Variants in HDAC9 observed in about 807,000 individuals in gnomAD.
HDAC9 encodes MEF-2 interacting transcription repressor (MITR) protein.
A neutral mutation model predicts 139.4 loss-of-function variants in HDAC9; 41 were observed. The ratio of observed to expected loss-of-function variants is 0.29; its 90% CI spans 0.23 to 0.38. The LOEUF (loss-of-function observed/expected upper bound fraction) is 0.38, where lower values mean the gene tolerates loss of function less well. Among genes scored for constraint, HDAC9 ranks in the 10% least tolerant of loss-of-function variants. HDAC9 has a pLI of 1.00. For synonymous variants in HDAC9, 517 were observed against 476.2 expected, an observed-to-expected ratio of 1.09 and a Z score of -1.12; for missense variants, 1,147 against 1,297.0, an observed-to-expected ratio of 0.88 and a Z score of 1.78.
chr7:18,667,665 G>T, intron 12 of HDAC9: 2 of 985,226 alleles, frequency 2.0e-6, no homozygotes, highest in Non-Finnish European at 2.4e-6. Context: ...GTGGAAACAG[G>T]AAGTCCAAGT....
chr7:18,710,516 G>A (rs892382767), intron 12 of HDAC9, among the ~76,000 whole-genome samples: 11 of 151,760 alleles, frequency 7.2e-5, no homozygotes, highest in African/African-American at 2.2e-4. Flanking sequence ...ACATACATAC[G>A]TATATATATA....
chr7:18,591,760 T>A, intron 5 of HDAC9, 118 bp downstream of exon 5: 2 of 1,311,878 alleles, frequency 1.5e-6, no homozygotes, highest in Non-Finnish European at 2.1e-6. Flanking sequence ...TGTGGGCAAG[T>A]TCCTTCAGTT....
intron 21 of HDAC9, among the ~76,000 whole-genome samples, chr7:18,861,551 A>G (rs564709217): frequency 1.1e-4 from 17 of 152,238 alleles, no homozygotes; most frequent in Middle Eastern, 3.4e-3. Flanking sequence ...CACTAATACT[A>G]TTCTCACAGA....
At chr7:18,892,146 C>G (rs1275827479) in intron 22 of HDAC9, 4 of 152,060 alleles carry the variant, frequency 2.6e-5, no homozygotes, top group Non-Finnish European at 5.9e-5. Flanking sequence ...AAATAGGAGA[C>G]CTGCGTTCTA....
rs527890609 is a variant in HDAC9 at position 18,386,787 on chromosome 7, A to G, written c.-42+96272A>G. Reference sequence around the variant, plus strand: ...CAGTCCTCAGAGAAAAGAAGATTACACACTGCCTTCTTTTGTCATTTCAGC... The same window carrying G: ...CAGTCCTCAGAGAAAAGAAGATTACGCACTGCCTTCTTTTGTCATTTCAGC... On this transcript the variant is annotated intron_variant, in intron 1 of 3. Coordinates refer to the HDAC9 transcript ENST00000413509. 2.6e-5 allele frequency among the ~76,000 whole-genome samples: 4 copies of G among 152,330 alleles called. No homozygotes were observed. The South Asian group carries it at 6.2e-4, about 24-fold the overall frequency.
intron 14 of HDAC9, among the ~76,000 whole-genome samples, chr7:18,754,087 CT>C (rs912900190): frequency 1.3e-5 from 2 of 151,842 alleles, no homozygotes; most frequent in Non-Finnish European, 2.9e-5. Flanking sequence ...CATGGGTTAA[CT>C]TTTTTTTGGC....
chr7:18,457,610 A>G (rs1053805235), intron 1 of HDAC9, among the ~76,000 whole-genome samples: 1 of 152,192 alleles, frequency 6.6e-6, no homozygotes, highest in Non-Finnish European at 1.5e-5. Context: ...ATCTCTGCAT[A>G]TAGGCCATAA....
At chr7:18,648,432 G>T in intron 10 of HDAC9, 34 bp from the exon 11 acceptor site, 1 of 1,380,806 alleles carries the variant, frequency 7.2e-7, no homozygotes, top group Non-Finnish European at 1.0e-6. Flanking sequence ...GTGTGTGTGT[G>T]TATACACACA....
chr7:18,260,984 G>C (rs1795632165), intron 2 of HDAC9, among the ~76,000 whole-genome samples: 1 of 152,082 alleles, frequency 6.6e-6, no homozygotes, highest in South Asian at 2.1e-4. Context: ...TGAAATATAA[G>C]CAAACATGCT....
At chr7:18,894,748 G>C (rs1283602206) in intron 22 of HDAC9, among the ~76,000 whole-genome samples, 1 of 152,120 alleles carries the variant, frequency 6.6e-6, no homozygotes, top group African/African-American at 2.4e-5. Flanking sequence ...TCATCTTCTA[G>C]TAGAGAGGGA....
At chr7:18,279,816 A>G (rs1796988632) in intron 2 of HDAC9, among the ~76,000 whole-genome samples, 1 of 152,062 alleles carries the variant, frequency 6.6e-6, no homozygotes. Context: ...AGTTTCAAAG[A>G]GGCCTGATTC....
intron 12 of HDAC9, among the ~76,000 whole-genome samples, chr7:18,708,158 A>T (rs147258936): frequency 1.2e-3 from 185 of 150,714 alleles, no homozygotes; most frequent in African/African-American, 4.1e-3. Context: ...AGGGGGCAGG[A>T]AGTTGAGGGA....
At chr7:18,221,821 C>T (rs1792727632) in intron 2 of HDAC9, among the ~76,000 whole-genome samples, 1 of 152,116 alleles carries the variant, frequency 6.6e-6, no homozygotes, top group Non-Finnish European at 1.5e-5. Flanking sequence ...TGTTCCTTTG[C>T]TTCCTGAGGA....
intron 2 of HDAC9, among the ~76,000 whole-genome samples, chr7:18,524,636 G>A (rs536637907): frequency 6.6e-6 from 1 of 152,174 alleles, no homozygotes; most frequent in South Asian, 2.1e-4. Flanking sequence ...TTGGGGCAAA[G>A]GAAGATTAAG....
At chr7:18,818,111 A>G (rs2129196576) in intron 17 of HDAC9, among the ~76,000 whole-genome samples, 1 of 152,294 alleles carries the variant, frequency 6.6e-6, no homozygotes, top group African/African-American at 2.4e-5. Flanking sequence ...CAACCATCAC[A>G]TCTTCACTTG....
At chr7:18,590,558 T>C in intron 4 of HDAC9, 72 bp downstream of exon 4, 1 of 1,424,058 alleles carries the variant, frequency 7.0e-7, no homozygotes, top group East Asian at 2.5e-5. Context: ...GAACAAAGCC[T>C]GATAAAGAGT....
At chr7:18,653,758 C>T (rs536765091) in intron 11 of HDAC9, among the ~76,000 whole-genome samples, 1 of 152,246 alleles carries the variant, frequency 6.6e-6, no homozygotes, top group African/African-American at 2.4e-5. Context: ...AATGCTGGAT[C>T]TGAGCAAATG....
chr7:18,396,423 G>C (rs564664411), intron 1 of HDAC9, among the ~76,000 whole-genome samples: 15 of 152,100 alleles, frequency 9.9e-5, no homozygotes, highest in African/African-American at 3.4e-4. Context: ...ATTGCATTCA[G>C]CACAGGATAT....
intron 2 of HDAC9, among the ~76,000 whole-genome samples, chr7:18,583,910 G>C (rs1583680335): frequency 6.6e-6 from 1 of 152,224 alleles, no homozygotes; most frequent in East Asian, 1.9e-4. Flanking sequence ...GTTTGCCACA[G>C]TTTCCCCTCC....
Sources: gnomAD v4.1 joint callset for allele counts (sites outside exome capture counted in the v4.1 genomes callset) on GRCh38, gnomAD v4.1.1 for gene constraint, MANE v1.5 for transcripts, NCBI Gene and HGNC (gene_info 2026-07-23, HGNC 2026-07-21) for gene names.